The following TBC1D9 variants were observed in gnomAD, a reference collection of about 807,000 sequenced individuals.
TBC1D9 encodes the protein TBC1 domain family member 9A.
In TBC1D9, 63 loss-of-function variants were observed where a neutral mutation model predicts 132.0. That is an observed-to-expected ratio of 0.48 (90% CI 0.39 to 0.59). The LOEUF (loss-of-function observed/expected upper bound fraction) is 0.59. TBC1D9 is among the 20% of genes least tolerant of loss of function. TBC1D9 has a pLI of 0.00. For missense variants in TBC1D9, 1,261 were observed against 1,592.7 expected (o/e 0.79, Z 3.54); for synonymous variants, 610 against 609.9 (o/e 1.00, Z 0.00).
intron 13 of TBC1D9, among the ~76,000 whole-genome samples, chr4:140,640,161 G>A (rs531826111): frequency 1.4e-4 from 22 of 152,128 alleles, no homozygotes; most frequent in Non-Finnish European, 2.2e-4. Context: ...ATTTTGCCAA[G>A]GTTGAGGAAA....
chr4:140,668,259 T>C (rs575419076), intron 9 of TBC1D9, among the ~76,000 whole-genome samples: 1 of 152,350 alleles, frequency 6.6e-6, no homozygotes, highest in South Asian at 2.1e-4. Flanking sequence ...GACAGAATGA[T>C]GGACAGGCAC....
At chr4:140,737,436 TTCTCTCTCTCTCTCTC>T (rs60339822) in intron 1 of TBC1D9, among the ~76,000 whole-genome samples, 2 of 147,202 alleles carry the variant, frequency 1.4e-5, no homozygotes, top group Non-Finnish European at 1.5e-5. Context: ...GCACCCTCCC[TTCTCTCTCTCTCTCTC>T]TCTCTCTCTC....
At position 140,725,446 on chromosome 4, in the gene TBC1D9, T is replaced by G. The variant is rs117831584; in HGVS notation, c.131-23832A>C. Reference sequence around the variant, plus strand: ...GAGGAACATCTGAACCCCTGTCAGGTCCAGCGGAACAAGAGCTGTACAGGG... The same window carrying G: ...GAGGAACATCTGAACCCCTGTCAGGGCCAGCGGAACAAGAGCTGTACAGGG... On this transcript the variant is annotated intron_variant, in intron 1 of 20. Coordinates refer to ENST00000442267, the MANE Select transcript of TBC1D9 (RefSeq NM_015130.3). 1.6e-3 allele frequency among the ~76,000 whole-genome samples: 248 copies of G among 152,266 alleles called. 6 individuals carry two copies. In the East Asian group the frequency reaches 0.044, roughly 27 times the overall value.
chr4:140,667,231 G>A (rs1044574095), intron 9 of TBC1D9, among the ~76,000 whole-genome samples: 16 of 152,268 alleles, frequency 1.1e-4, no homozygotes, highest in African/African-American at 3.6e-4. Flanking sequence ...ACAGAGGGCC[G>A]TGTGGAGACC....
At chr4:140,701,747 A>G in intron 1 of TBC1D9, 133 bp from the exon 2 acceptor site, 1 of 658,562 alleles carries the variant, frequency 1.5e-6, no homozygotes, top group Non-Finnish European at 2.6e-6. Context: ...CACCTTGAAA[A>G]ATTTCATTTT....
chr4:140,680,902 C>T (rs1232267757), intron 3 of TBC1D9, among the ~76,000 whole-genome samples: 2 of 152,214 alleles, frequency 1.3e-5, no homozygotes, highest in Non-Finnish European at 2.9e-5. Context: ...TACCAAAATA[C>T]TTAGTGGTTT....
intron 13 of TBC1D9, among the ~76,000 whole-genome samples, chr4:140,645,902 T>C (rs899263868): frequency 1.3e-5 from 2 of 152,254 alleles, no homozygotes; most frequent in African/African-American, 2.4e-5. Context: ...TCTCTGCTAA[T>C]TGTCATCTCA....
At chr4:140,711,547 T>C (rs888657854) in intron 1 of TBC1D9, among the ~76,000 whole-genome samples, 1 of 152,160 alleles carries the variant, frequency 6.6e-6, no homozygotes, top group Admixed American at 6.6e-5. Context: ...GTAATTCAAC[T>C]GCCAATAATT....
intron 16 of TBC1D9, among the ~76,000 whole-genome samples, chr4:140,632,435 T>C (rs1232799237): frequency 6.6e-6 from 1 of 152,148 alleles, no homozygotes; most frequent in African/African-American, 2.4e-5. Context: ...TAAAAATTAA[T>C]ACTGCCTCCT....
rs1737011033 is a variant in TBC1D9 at position 140,642,159 on chromosome 4, C to T, written c.2338-2731G>A. On this transcript the variant is annotated intron_variant, in intron 13 of 20. Coordinates refer to ENST00000442267, the MANE Select transcript of TBC1D9 (RefSeq NM_015130.3). ...CTTGCTGTCCTTTGCCACCATGCCACACAGGAGGGAAGGCATCAGTTTGGA... is the reference window on the plus strand; with the variant it reads ...CTTGCTGTCCTTTGCCACCATGCCATACAGGAGGGAAGGCATCAGTTTGGA... 4.9e-5 allele frequency: 38 copies of T among 768,820 alleles called. No homozygotes were observed. In the South Asian group the frequency reaches 5.2e-4, roughly 10 times the overall value. The allele number at this position is 768,820 out of a possible 1,614,324, so 47.6% of individuals were successfully genotyped here. A position where few individuals can be genotyped will look rare whatever the true frequency, so the allele number is the denominator to read the frequency against.
chr4:140,716,476 C>A (rs779729127), intron 1 of TBC1D9, among the ~76,000 whole-genome samples: 6 of 151,750 alleles, frequency 4.0e-5, no homozygotes, highest in Non-Finnish European at 7.4e-5. Flanking sequence ...GGTGACAAAG[C>A]AAGACCCTGT....
chr4:140,661,431 CG>C (rs1737359511), intron 10 of TBC1D9, among the ~76,000 whole-genome samples: 1 of 152,132 alleles, frequency 6.6e-6, no homozygotes, highest in South Asian at 2.1e-4. Flanking sequence ...AACACTGTGG[CG>C]AACCACAGTG....
intron 9 of TBC1D9, among the ~76,000 whole-genome samples, chr4:140,662,467 C>A (rs924130393): frequency 2.0e-5 from 3 of 152,232 alleles, no homozygotes; most frequent in African/African-American, 7.2e-5. Flanking sequence ...ACCTTCTCAT[C>A]ACTCTCTTCA....
At chr4:140,690,666 CT>C (rs1283781152) in intron 2 of TBC1D9, among the ~76,000 whole-genome samples, 1 of 152,088 alleles carries the variant, frequency 6.6e-6, no homozygotes, top group Non-Finnish European at 1.5e-5. Context: ...TGCTTCGGTA[CT>C]GCCAAAAGGG....
intron 1 of TBC1D9, among the ~76,000 whole-genome samples, chr4:140,725,285 G>A (rs1402771850): frequency 6.6e-6 from 1 of 152,154 alleles, no homozygotes; most frequent in Non-Finnish European, 1.5e-5. Flanking sequence ...CCATTGTACG[G>A]TAGATGAACC....
chr4:140,745,182 C>A (rs1240941154), intron 1 of TBC1D9, among the ~76,000 whole-genome samples: 2 of 152,158 alleles, frequency 1.3e-5, no homozygotes, highest in Admixed American at 1.3e-4. Context: ...TATAACCCAG[C>A]CACCTTGGAC....
At chr4:140,647,159 T>G (rs1441102075) in intron 13 of TBC1D9, among the ~76,000 whole-genome samples, 1 of 152,258 alleles carries the variant, frequency 6.6e-6, no homozygotes, top group Non-Finnish European at 1.5e-5. Flanking sequence ...AAGACAGTTT[T>G]ATTGTACCTA....
Position 140,627,434 on chromosome 4 carries a change from C to T in TBC1D9, c.2899+7G>A. 6.3e-7 allele frequency: 1 copy of T among 1,576,232 alleles called. No individual in the cohort carries two copies. Among genetic ancestry groups the T allele is most frequent in the Non-Finnish European group, 8.7e-7 (1 of 1,148,740 alleles). On this transcript the variant is annotated splice_region_variant and intron_variant, in intron 18 of 20. Coordinates refer to ENST00000442267, the MANE Select transcript of TBC1D9 (RefSeq NM_015130.3). ...ATATAGTATCTTTGGTGAGAAAAGT[C>T]ACTTACCATGTGTACATTCTGGGGT...
At chr4:140,698,665 G>A (rs1397807441) in intron 2 of TBC1D9, among the ~76,000 whole-genome samples, 1 of 151,528 alleles carries the variant, frequency 6.6e-6, no homozygotes, top group African/African-American at 2.4e-5. Context: ...TTGAGCCTAC[G>A]AGGCAGATGT....
Sources: gnomAD v4.1 joint callset for allele counts (sites outside exome capture counted in the v4.1 genomes callset) on GRCh38, gnomAD v4.1.1 for gene constraint, MANE v1.5 for transcripts, NCBI Gene and HGNC (gene_info 2026-07-23, HGNC 2026-07-21) for gene names.